Variants in FNBP1 observed in about 807,000 individuals in gnomAD.
The protein encoded by FNBP1 is formin binding protein 1.
In FNBP1, 26 loss-of-function variants were observed where a neutral mutation model predicts 90.6. That is an observed-to-expected ratio of 0.29 (90% CI 0.21 to 0.40). The LOEUF (loss-of-function observed/expected upper bound fraction) is 0.40. Ranked by LOEUF, FNBP1 falls within the 10% of genes least tolerant of loss-of-function variation. The pLI is 1.00. For missense variants in FNBP1, 635 were observed against 768.0 expected, an observed-to-expected ratio of 0.83 and a Z score of 2.05; for synonymous variants, 260 against 265.2, an observed-to-expected ratio of 0.98 and a Z score of 0.19.
At position 130,042,064 on chromosome 9, in the gene FNBP1, G is replaced by C. The variant is rs981801864; in HGVS notation, c.24+888C>G. On this transcript the variant is annotated intron_variant, in intron 1 of 16. Transcript: ENST00000446176. The surrounding 1 kb of genome is among the most constrained non-coding windows in gnomAD (Gnocchi z 5.5). Reference sequence around the variant, plus strand: ...TGCCCAGTGATTTCCCCAGGAATCCGGGGACGGCAGGAAAAGAGCTCCATC... The same window carrying C: ...TGCCCAGTGATTTCCCCAGGAATCCCGGGACGGCAGGAAAAGAGCTCCATC... Among the ~76,000 whole-genome samples the C allele has an allele frequency of 3.9e-4, 59 of 152,008 alleles. No homozygotes were observed. Among genetic ancestry groups the C allele is most frequent in the Non-Finnish European group, 8.4e-4 (57 of 67,972 alleles).
intron 2 of FNBP1, among the ~76,000 whole-genome samples, chr9:129,989,442 T>A (rs1225125677): frequency 6.6e-6 from 1 of 152,220 alleles, no homozygotes; most frequent in South Asian, 2.1e-4. Flanking sequence ...GCTGGCTAAA[T>A]ATCTTAGGCC....
intron 16 of FNBP1, chr9:129,895,456 T>C: frequency 8.9e-7 from 1 of 1,127,374 alleles, no homozygotes. Context: ...AGTAGGGAAG[T>C]CTTTGGCACC....
At chr9:129,929,471 T>A in intron 7 of FNBP1, 96 bp downstream of exon 7, 1 of 853,196 alleles carries the variant, frequency 1.2e-6, no homozygotes, top group Non-Finnish European at 1.8e-6. Flanking sequence ...AGACTCAGAC[T>A]CAGAATACAA....
chr9:129,890,380 G>A lies in FNBP1; in HGVS notation c.*159C>T. 1.6e-6 allele frequency: 1 copy of A among 629,596 alleles called. No homozygotes were observed. The highest frequency in any genetic ancestry group is 2.9e-5 in the Admixed American group (1 of 34,010). 39.0% of individuals were successfully genotyped at this position (629,596 alleles called of 1,614,324 possible). ...TGGCCCGGGCTGGGCGGGAGGGCAGGGCCGCAGGGAGCATGCTGGAGAGAG... is the reference window on the plus strand; with the variant it reads ...TGGCCCGGGCTGGGCGGGAGGGCAGAGCCGCAGGGAGCATGCTGGAGAGAG... On this transcript the variant is annotated 3_prime_UTR_variant, in exon 17 of 17. Transcript: ENST00000446176. This position sits in a 1 kb window ranked among gnomAD's most constrained non-coding sequence, Gnocchi z 5.8.
chr9:130,038,400 T>C (rs2059535655), intron 1 of FNBP1, among the ~76,000 whole-genome samples: 2 of 76,578 alleles, frequency 2.6e-5, no homozygotes, highest in Admixed American at 2.8e-4. Flanking sequence ...CAGGTGGCTC[T>C]TTTTTTTTTT....
chr9:129,992,252 C>T (rs1322047221), intron 2 of FNBP1, among the ~76,000 whole-genome samples: 1 of 152,156 alleles, frequency 6.6e-6, no homozygotes, highest in Non-Finnish European at 1.5e-5. Flanking sequence ...CCCATTTTCA[C>T]ATGAAAGACA....
chr9:130,014,247 CTTTT>C (rs1175352724), intron 1 of FNBP1, among the ~76,000 whole-genome samples: 2 of 138,948 alleles, frequency 1.4e-5, no homozygotes, highest in Non-Finnish European at 3.1e-5. Context: ...TTCTTTCTTT[CTTTT>C]TTTTTTTTTT....
intron 6 of FNBP1, among the ~76,000 whole-genome samples, chr9:129,945,055 A>T (rs2045023123): frequency 6.6e-6 from 1 of 152,160 alleles, no homozygotes. Context: ...GATCTAGGGT[A>T]TGAGAACGAT....
chr9:130,028,412 A>G (rs1307404379), intron 1 of FNBP1, among the ~76,000 whole-genome samples: 1 of 152,188 alleles, frequency 6.6e-6, no homozygotes, highest in African/African-American at 2.4e-5. Flanking sequence ...GGAAAAGCCT[A>G]CACTATTAGT....
intron 6 of FNBP1, among the ~76,000 whole-genome samples, chr9:129,955,454 C>A (rs375995754): frequency 2.6e-5 from 4 of 151,318 alleles, no homozygotes; most frequent in African/African-American, 9.7e-5. Flanking sequence ...CAGGCTGGAT[C>A]TGAACTCCTG....
chr9:129,907,020 C>T (rs940251747), intron 12 of FNBP1, among the ~76,000 whole-genome samples: 4 of 151,856 alleles, frequency 2.6e-5, no homozygotes, highest in Admixed American at 2.0e-4. Context: ...CCTCGTGATC[C>T]GCCCGCCTCC....
At chr9:129,929,475 AAT>A in intron 7 of FNBP1, 90 bp downstream of exon 7, 1 of 1,209,556 alleles carries the variant, frequency 8.3e-7, no homozygotes. Context: ...TCAGACTCAG[AAT>A]ACAAACCCAG....
At chr9:129,912,204 G>A (rs941138139) in intron 11 of FNBP1, among the ~76,000 whole-genome samples, 9 of 152,136 alleles carry the variant, frequency 5.9e-5, no homozygotes, top group African/African-American at 2.2e-4. Flanking sequence ...CCCAGCTAGT[G>A]TCTGCTGCTT....
rs1461323951 is a variant in FNBP1 at position 129,957,496 on chromosome 9, TAA to T, written c.409-34_409-33del. 1.4e-6 allele frequency: 2 copies of T among 1,453,364 alleles called. No homozygotes were observed. Among genetic ancestry groups the T allele is most frequent in the Non-Finnish European group, 1.9e-6 (2 of 1,037,538 alleles). The allele number at this position is 1,453,364 out of a possible 1,614,324, so 90.0% of individuals were successfully genotyped here. A position where few individuals can be genotyped will look rare whatever the true frequency, so the allele number is the denominator to read the frequency against. On this transcript the variant is annotated intron_variant, in intron 5 of 16. Coordinates refer to ENST00000446176, the MANE Select transcript of FNBP1 (RefSeq NM_015033.3). This position sits in a 1 kb window ranked among gnomAD's most constrained non-coding sequence, Gnocchi z 4.3. ...TCAGAGGAAAATAATTATGAAACCATAAGAGTCCTACGAGAAGATGTAATTTT... is the reference window on the plus strand; with the variant it reads ...TCAGAGGAAAATAATTATGAAACCATGAGTCCTACGAGAAGATGTAATTTT...
At chr9:129,916,184 C>T (rs2040231430) in intron 10 of FNBP1, 2 of 579,184 alleles carry the variant, frequency 3.5e-6, no homozygotes, top group Non-Finnish European at 6.1e-6. Context: ...TCCCTAATAA[C>T]ATTTTTCTTA....
At chr9:129,934,555 T>C (rs1206118969) in intron 6 of FNBP1, among the ~76,000 whole-genome samples, 8 of 143,988 alleles carry the variant, frequency 5.6e-5, no homozygotes. Flanking sequence ...GTATGGCTTA[T>C]ACATGATTTC....
chr9:129,993,807 T>TTTTTTTTTTTTTTTTTTTTTTG (rs2053581620), intron 2 of FNBP1, among the ~76,000 whole-genome samples: 1 of 151,370 alleles, frequency 6.6e-6, no homozygotes. Context: ...GTATTTTTAG[T>TTTTTTTTTTTTTTTTTTTTTTG]AGAGGCGGGG....
chr9:130,000,914 G>A (rs778098570), intron 1 of FNBP1, among the ~76,000 whole-genome samples: 24 of 152,174 alleles, frequency 1.6e-4, no homozygotes, highest in Admixed American at 7.2e-4. Context: ...CTGCACTAAA[G>A]AGCTTCTCAT....
chr9:129,925,586 T>C (rs2041764700), intron 8 of FNBP1, among the ~76,000 whole-genome samples: 1 of 121,102 alleles, frequency 8.3e-6, no homozygotes, highest in South Asian at 2.8e-4. Flanking sequence ...TTTTTCCTAG[T>C]AGCTTTTTTT....
Sources: allele counts gnomAD v4.1 joint callset (sites outside exome capture counted in the v4.1 genomes callset), GRCh38; gene constraint gnomAD v4.1.1; non-coding constraint Gnocchi (gnomAD v3.1); transcripts MANE v1.5; gene names NCBI Gene and HGNC (gene_info 2026-07-23, HGNC 2026-07-21).